Variants in APBB1IP observed in about 807,000 individuals in gnomAD.
APBB1IP encodes amyloid beta A4 precursor protein-binding family B member 1-interacting protein.
APBB1IP carries 27 observed loss-of-function variants against 64.9 expected under a neutral mutation model. That is an observed-to-expected ratio of 0.42 (90% CI 0.31 to 0.57). The LOEUF (loss-of-function observed/expected upper bound fraction) is 0.57, where lower values mean the gene tolerates loss of function less well. Ranked by LOEUF, APBB1IP falls within the 20% of genes least tolerant of loss-of-function variation. APBB1IP has a pLI of 0.20. For missense variants in APBB1IP, 812 were observed against 845.5 expected (o/e 0.96, Z 0.49); for synonymous variants, 392 against 331.0 (o/e 1.18, Z -2.00).
chr10:26,567,377 C>T lies in APBB1IP; in HGVS notation c.1890C>T (p.Pro630=), dbSNP rs1194926998. 2 of 1,575,526 alleles carry T rather than the reference C, an allele frequency of 1.3e-6. No homozygotes were observed. The highest frequency in any genetic ancestry group is 8.6e-7 in the Non-Finnish European group (1 of 1,156,992). Residue 630 remains proline (P), a synonymous_variant, in exon 15 of 15, where the codon CCC becomes CCT. Transcript: ENST00000376236. ...CGGTGGCCAAGAGGCCTCCTGTGCC[C>T]CCCAAGAGGCAAGAGAACCCAGGGC... ...PPAVAKRPPV[P]PKRQENPGHP...
chr10:26,528,402 C>T (rs961202574), intron 8 of APBB1IP, among the ~76,000 whole-genome samples: 3 of 152,050 alleles, frequency 2.0e-5, no homozygotes, highest in African/African-American at 7.2e-5. Flanking sequence ...TCTTTTTTTC[C>T]CTACCAGAAC....
At chr10:26,440,068 T>G (rs1333608446) in intron 2 of APBB1IP, among the ~76,000 whole-genome samples, 1 of 152,232 alleles carries the variant, frequency 6.6e-6, no homozygotes, top group Non-Finnish European at 1.5e-5. Flanking sequence ...AAATTTAACT[T>G]CATCCTTAAA....
At chr10:26,488,952 G>A (rs1835924368) in intron 2 of APBB1IP, among the ~76,000 whole-genome samples, 1 of 152,118 alleles carries the variant, frequency 6.6e-6, no homozygotes, top group African/African-American at 2.4e-5. Flanking sequence ...GATTCTTTGG[G>A]ATGCGTCTGC....
At chr10:26,559,536 C>G (rs1388153786) in intron 11 of APBB1IP, among the ~76,000 whole-genome samples, 1 of 152,018 alleles carries the variant, frequency 6.6e-6, no homozygotes, top group African/African-American at 2.4e-5. Flanking sequence ...TGTGATTGTG[C>G]CACTCCAGCC....
chr10:26,541,916 T>C (rs1836702500), intron 11 of APBB1IP, among the ~76,000 whole-genome samples: 2 of 152,200 alleles, frequency 1.3e-5, no homozygotes, highest in African/African-American at 4.8e-5. Flanking sequence ...ATTTCTTCAC[T>C]TCTGAAAATG....
chr10:26,490,830 A>T (rs751015056), intron 2 of APBB1IP, among the ~76,000 whole-genome samples: 2 of 152,202 alleles, frequency 1.3e-5, no homozygotes, highest in Non-Finnish European at 2.9e-5. Context: ...TTTAATTTCC[A>T]TATAAAAAGA....
At chr10:26,552,156 C>G (rs1040067499) in intron 11 of APBB1IP, among the ~76,000 whole-genome samples, 1 of 152,216 alleles carries the variant, frequency 6.6e-6, no homozygotes, top group Non-Finnish European at 1.5e-5. Flanking sequence ...TTTAAATCAG[C>G]AGGGTGTGGT....
At chr10:26,461,452 G>A (rs143469614) in intron 2 of APBB1IP, among the ~76,000 whole-genome samples, 177 of 151,556 alleles carry the variant, frequency 1.2e-3, no homozygotes, top group Non-Finnish European at 2.3e-3. Context: ...GTCTTTTTCC[G>A]TTGGTTTATT....
chr10:26,514,182 A>G (rs1344647344), intron 8 of APBB1IP, among the ~76,000 whole-genome samples: 1 of 152,204 alleles, frequency 6.6e-6, no homozygotes, highest in Non-Finnish European at 1.5e-5. Context: ...GAAAGAAAAG[A>G]ATCCATTTTG....
At chr10:26,498,083 G>A (rs1484573614) in intron 4 of APBB1IP, among the ~76,000 whole-genome samples, 3 of 152,124 alleles carry the variant, frequency 2.0e-5, no homozygotes, top group Admixed American at 2.0e-4. Context: ...TTAAGTGCCA[G>A]TGACTCTTTC....
intron 2 of APBB1IP, among the ~76,000 whole-genome samples, chr10:26,470,122 G>A (rs1438559096): frequency 6.6e-6 from 1 of 152,154 alleles, no homozygotes; most frequent in East Asian, 1.9e-4. Context: ...CCACTATATG[G>A]TGGTGCAAAA....
chr10:26,539,152 T>A (rs1263931452), intron 10 of APBB1IP, among the ~76,000 whole-genome samples: 1 of 152,168 alleles, frequency 6.6e-6, no homozygotes, highest in Non-Finnish European at 1.5e-5. Context: ...GGCTCATGCC[T>A]CTAATTCCAG....
At chr10:26,451,787 C>T (rs1211901122) in intron 2 of APBB1IP, among the ~76,000 whole-genome samples, 2 of 152,154 alleles carry the variant, frequency 1.3e-5, no homozygotes, top group African/African-American at 4.8e-5. Context: ...AGATTATATG[C>T]ATGAAGACAG....
At chr10:26,515,190 G>A (rs1214394795) in intron 8 of APBB1IP, among the ~76,000 whole-genome samples, 1 of 152,046 alleles carries the variant, frequency 6.6e-6, no homozygotes, top group African/African-American at 2.4e-5. Context: ...CCAATGGCAT[G>A]CTTTAACAAC....
In APBB1IP at chr10:26,567,045, C is replaced by A; in HGVS notation, c.1558C>A (p.Pro520Thr). The A allele has an allele frequency of 6.5e-7, 1 of 1,531,460 alleles. No individual in the cohort carries two copies. 94.9% of individuals were successfully genotyped at this position (1,531,460 alleles called of 1,614,324 possible). The change falls in exon 15 of 15, where the codon CCT becomes ACT. Residue 520 changes from proline to threonine, a missense_variant. Around this residue, in one of 3 missense-constraint regions of APBB1IP, gnomAD observed 381 missense variants for 352.1 expected, o/e 1.08. Coordinates refer to ENST00000376236, the MANE Select transcript of APBB1IP (RefSeq NM_019043.4). ...CCCCAAGTCCAGCCTGCCCCCGCCC[C>A]CTCCGGTGCGGAGGTCCTCCGACAC... is the stretch of plus-strand genomic sequence containing the variant. Reference protein sequence around the residue: ...HAPKSSLPPPPPVRRSSDTSG... With the variant: ...HAPKSSLPPPTPVRRSSDTSG...
intron 2 of APBB1IP, among the ~76,000 whole-genome samples, chr10:26,465,826 G>T (rs1031891356): frequency 7.2e-5 from 11 of 152,180 alleles, no homozygotes; most frequent in East Asian, 1.9e-4. Flanking sequence ...AGGATGAGAG[G>T]CATAACCTCT....
intron 8 of APBB1IP, among the ~76,000 whole-genome samples, chr10:26,514,627 G>A (rs1218346757): frequency 2.0e-5 from 3 of 151,696 alleles, no homozygotes; most frequent in Admixed American, 1.3e-4. Flanking sequence ...GAATGTTAAA[G>A]GTGAAGAAGT....
rs926202767 is a variant in APBB1IP at position 26,524,941 on chromosome 10, C to CTCTT, written c.814-8484_814-8481dup. On this transcript the variant is annotated intron_variant, in intron 8 of 14. Coordinates refer to ENST00000376236, the MANE Select transcript of APBB1IP (RefSeq NM_019043.4). ...TCTATGCATTTCTTTCTTTTTCTTTCTCTTTCTTTCTTTCTTTTTTTTTTT... is the reference window on the plus strand; with the variant it reads ...TCTATGCATTTCTTTCTTTTTCTTTCTCTTTCTTTCTTTCTTTCTTTTTTTTTTT... Among the ~76,000 whole-genome samples, 508 of 97,830 alleles carry CTCTT rather than the reference C, an allele frequency of 5.2e-3. 24 individuals are homozygous for CTCTT. Among genetic ancestry groups the CTCTT allele is most frequent in the Non-Finnish European group, 5.7e-3 (271 of 47,268 alleles). 64.2% of individuals were successfully genotyped at this position (97,830 alleles called of 152,430 possible).
At chr10:26,553,300 G>A (rs1836855749) in intron 11 of APBB1IP, among the ~76,000 whole-genome samples, 1 of 152,014 alleles carries the variant, frequency 6.6e-6, no homozygotes, top group Admixed American at 6.5e-5. Flanking sequence ...GATTACAGGT[G>A]TGAGCCACCG....
Sources: allele counts gnomAD v4.1 joint callset (sites outside exome capture counted in the v4.1 genomes callset), GRCh38; gene constraint gnomAD v4.1.1; regional missense constraint gnomAD v4.1.1; transcripts MANE v1.5; gene names NCBI Gene and HGNC (gene_info 2026-07-23, HGNC 2026-07-21).